The following PTPRT variants were observed in gnomAD, a reference collection of about 807,000 sequenced individuals.
The protein encoded by PTPRT is receptor-type tyrosine-protein phosphatase T.
In PTPRT, 56 loss-of-function variants were observed where a neutral mutation model predicts 176.8. The ratio of observed to expected loss-of-function variants is 0.32; its 90% CI spans 0.26 to 0.40. PTPRT has a LOEUF of 0.40. Among genes scored for constraint, PTPRT ranks in the 10% least tolerant of loss-of-function variants. PTPRT has a pLI of 1.00. For missense variants in PTPRT, 1,540 were observed against 1,908.2 expected, an observed-to-expected ratio of 0.81 and a Z score of 3.60; for synonymous variants, 783 against 739.0, an observed-to-expected ratio of 1.06 and a Z score of -0.96.
chr20:42,736,666 T>G (rs2076545021), intron 6 of PTPRT, among the ~76,000 whole-genome samples: 1 of 152,206 alleles, frequency 6.6e-6, no homozygotes, highest in Non-Finnish European at 1.5e-5. Context: ...TGGAAGGGGT[T>G]CCTGAGAACT....
chr20:42,808,055 A>AC (rs1203535785), intron 2 of PTPRT, among the ~76,000 whole-genome samples: 5 of 152,148 alleles, frequency 3.3e-5, no homozygotes, highest in African/African-American at 1.2e-4. Flanking sequence ...TGAGAGCTGC[A>AC]CATCCAGCAA....
the PTPRT span, among the ~76,000 whole-genome samples, chr20:42,042,703 G>A: frequency 1.3e-5 from 2 of 152,096 alleles, no homozygotes; most frequent in East Asian, 3.9e-4. Context: ...TGCCCTTTTG[G>A]GTCACTGTTT....
At chr20:42,464,668 C>G (rs945760238) in intron 8 of PTPRT, among the ~76,000 whole-genome samples, 1 of 152,176 alleles carries the variant, frequency 6.6e-6, no homozygotes, top group Non-Finnish European at 1.5e-5. Flanking sequence ...GTACTGAGCT[C>G]TAATACAGTG....
At chr20:42,351,305 CT>C (rs1268865664) in intron 10 of PTPRT, among the ~76,000 whole-genome samples, 1 of 152,142 alleles carries the variant, frequency 6.6e-6, no homozygotes, top group Non-Finnish European at 1.5e-5. Context: ...ATGAATTAAA[CT>C]TTATTTTGTA....
At chr20:43,173,926 C>T (rs1006499977) in intron 1 of PTPRT, among the ~76,000 whole-genome samples, 13 of 152,182 alleles carry the variant, frequency 8.5e-5, no homozygotes, top group East Asian at 1.9e-4. Flanking sequence ...CTGAATGAGA[C>T]GACCACAGTG....
chr20:42,990,342 CT>C (rs1983835065), intron 1 of PTPRT, among the ~76,000 whole-genome samples: 1 of 151,436 alleles, frequency 6.6e-6, no homozygotes, highest in Admixed American at 6.6e-5. Flanking sequence ...ATTTGTTCAG[CT>C]TTTTTTTAAT....
chr20:42,824,702 A>G (rs1383778958), intron 2 of PTPRT, among the ~76,000 whole-genome samples: 1 of 152,076 alleles, frequency 6.6e-6, no homozygotes, highest in African/African-American at 2.4e-5. Context: ...CTAGAAAAAT[A>G]CAAGAGAATA....
rs950528675 is a variant in PTPRT at position 42,786,097 on chromosome 20, C to T, written c.486+5098G>A. ...TCCTCCTTCACAGGCTCTCTCTTGC[C>T]TTCCACCATGTAAGATGTGCCTGCT... On this transcript the variant is annotated intron_variant, in intron 3 of 30. Transcript: ENST00000373187. Among the ~76,000 whole-genome samples, 5 of 152,264 alleles carry T rather than the reference C, an allele frequency of 3.3e-5. No individual in the cohort carries two copies. In the South Asian group the frequency reaches 1.0e-3, roughly 32 times the overall value.
intron 8 of PTPRT, among the ~76,000 whole-genome samples, chr20:42,459,474 G>T (rs1397978660): frequency 6.6e-6 from 1 of 152,210 alleles, no homozygotes; most frequent in East Asian, 1.9e-4. Flanking sequence ...AAGCTGCAAA[G>T]ATTATTTAGA....
chr20:42,406,855 T>A (rs894917801), intron 9 of PTPRT, among the ~76,000 whole-genome samples: 1 of 152,132 alleles, frequency 6.6e-6, no homozygotes, highest in Non-Finnish European at 1.5e-5. Flanking sequence ...CAAACAGAAA[T>A]TAATGGGAAA....
chr20:42,563,740 C>A (rs908714330), intron 7 of PTPRT, among the ~76,000 whole-genome samples: 1 of 152,088 alleles, frequency 6.6e-6, no homozygotes. Flanking sequence ...AAGTAGGTTG[C>A]AAAAAATAAG....
chr20:42,806,561 T>C (rs1223360077), intron 2 of PTPRT, among the ~76,000 whole-genome samples: 1 of 151,198 alleles, frequency 6.6e-6, no homozygotes, highest in Non-Finnish European at 1.5e-5. Context: ...ATACAGGTAA[T>C]AGTAGAAAGG....
intron 7 of PTPRT, among the ~76,000 whole-genome samples, chr20:42,503,634 T>C (rs890423450): frequency 6.6e-6 from 1 of 152,096 alleles, no homozygotes; most frequent in African/African-American, 2.4e-5. Context: ...GCTAAATGTA[T>C]ATTCTCTAAT....
At chr20:42,757,836 T>G (rs1290764871) in intron 5 of PTPRT, among the ~76,000 whole-genome samples, 1 of 152,206 alleles carries the variant, frequency 6.6e-6, no homozygotes, top group African/African-American at 2.4e-5. Context: ...TTATGAGAAC[T>G]GGTAAGGCAC....
Position 42,533,947 on chromosome 20 carries a change from C to G in PTPRT, c.1154-61385G>C, listed in dbSNP as rs377663772. On this transcript the variant is annotated intron_variant, in intron 7 of 30. Transcript: ENST00000373187. ...TCTCCTGCCATTCTCATACACGCTA[C>G]CACTCTGGAATGCTTCTTCTCTGCA... 3.1e-3 allele frequency among the ~76,000 whole-genome samples: 476 copies of G among 152,310 alleles called. 19 individuals are homozygous for G. In the South Asian group the frequency reaches 0.095, roughly 30 times the overall value.
At chr20:42,086,751 A>ATATAT (rs58059394) in intron 27 of PTPRT, among the ~76,000 whole-genome samples, 4 of 96,562 alleles carry the variant, frequency 4.1e-5, no homozygotes, top group East Asian at 6.7e-4. Flanking sequence ...AAAAAAAAAA[A>ATATAT]AAATATATAT....
chr20:43,001,624 C>G (rs1339034800), intron 1 of PTPRT, among the ~76,000 whole-genome samples: 1 of 151,710 alleles, frequency 6.6e-6, no homozygotes, highest in Admixed American at 6.6e-5. Flanking sequence ...AAGACTAAAG[C>G]TGTAACTCAA....
At chr20:42,452,668 C>T (rs937104680) in intron 8 of PTPRT, among the ~76,000 whole-genome samples, 6 of 152,242 alleles carry the variant, frequency 3.9e-5, no homozygotes, top group African/African-American at 1.4e-4. Context: ...AAGTGTCTGT[C>T]TGATGAAGAC....
chr20:42,545,898 T>G (rs1250267707), intron 7 of PTPRT, among the ~76,000 whole-genome samples: 1 of 152,248 alleles, frequency 6.6e-6, no homozygotes, highest in African/African-American at 2.4e-5. Flanking sequence ...CTTCATTTCC[T>G]GTTTTAGATA....
Sources: allele counts gnomAD v4.1 joint callset (sites outside exome capture counted in the v4.1 genomes callset), GRCh38; gene constraint gnomAD v4.1.1; transcripts MANE v1.5; gene names NCBI Gene and HGNC (gene_info 2026-07-23, HGNC 2026-07-21).